Variants in AMBN observed in about 807,000 individuals in gnomAD.
The protein encoded by AMBN is enamel matrix protein.
In AMBN, 54 loss-of-function variants were observed where a neutral mutation model predicts 48.0. The observed-to-expected ratio is 1.12, with a 90% CI of 0.90 to 1.41. The LOEUF (loss-of-function observed/expected upper bound fraction) is 1.41, where lower values mean the gene tolerates loss of function less well. Ranked by LOEUF, AMBN falls within the 40% of genes most tolerant of loss-of-function variation. AMBN has a pLI of 0.00. For synonymous variants in AMBN, 186 were observed against 190.0 expected (o/e 0.98, Z 0.17); for missense variants, 571 against 547.3 (o/e 1.04, Z -0.43).
At chr4:70,603,117 T>C in intron 9 of AMBN, 107 bp downstream of exon 9, 5 of 1,394,450 alleles carry the variant, frequency 3.6e-6, no homozygotes, top group Non-Finnish European at 3.9e-6. Flanking sequence ...ATATGAAGTA[T>C]AATGGGTTCC....
rs747137893 is a variant in AMBN at position 70,603,324 on chromosome 4, G to GT, written c.708+13dup. 3.9e-5 allele frequency: 63 copies of GT among 1,612,634 alleles called. No homozygotes were observed. Among genetic ancestry groups the GT allele is most frequent in the African/African-American group, 6.7e-5 (5 of 74,770 alleles). ...CCACAAAATAAACAATCTCCAGTAA[G>GT]TTTTTTTTAATACCACATCTCTGTT... On this transcript the variant is annotated splice_donor_region_variant and intron_variant, in intron 10 of 12. Transcript: ENST00000322937.
At chr4:70,604,954 C>T (rs1265704963) in intron 12 of AMBN, among the ~76,000 whole-genome samples, 2 of 151,128 alleles carry the variant, frequency 1.3e-5, no homozygotes, top group Non-Finnish European at 2.9e-5. Context: ...GATCACGCCA[C>T]TGCACTCCAG....
Position 70,598,433 on chromosome 4 carries a change from T to C in AMBN, c.183+30T>C, listed in dbSNP as rs1233123374. ...TCATATTTCTTATTGCAAGTATTCA[T>C]GGTGGTGGTAGTGTTAATATTAGCA... On this transcript the variant is annotated intron_variant, in intron 4 of 12. Transcript: ENST00000322937. 4 of 1,550,714 alleles carry C rather than the reference T, an allele frequency of 2.6e-6. No homozygotes were observed. In the South Asian group the frequency reaches 3.6e-5, roughly 14 times the overall value.
Position 70,599,573 on chromosome 4 carries a change from T to A in AMBN, c.221T>A (p.Leu74Ter), listed in dbSNP as rs1737472096. The A allele has an allele frequency of 6.2e-7, 1 of 1,613,482 alleles. No individual in the cohort carries two copies. The highest frequency in any genetic ancestry group is 1.3e-5 in the African/African-American group (1 of 74,910). The change falls in exon 5 of 13, where the codon TTG becomes TAG. Residue 74 changes from leucine to a stop codon, truncating the protein, a stop_gained. Coordinates refer to ENST00000322937, the MANE Select transcript of AMBN (RefSeq NM_016519.6). LOFTEE classifies it high-confidence loss of function. ...GGCTTTGGAAAATCATTTAATTCTT[T>A]GTGGATGCACGGTCTCCTCCCACCA... Reference protein sequence around the residue: ...RYGFGKSFNSLWMHGLLPPHS... With the variant: ...RYGFGKSFNS
intron 10 of AMBN, 27 bp from the exon 11 acceptor site, chr4:70,603,389 T>C (rs1737570683): frequency 6.2e-7 from 1 of 1,613,530 alleles, no homozygotes; most frequent in Non-Finnish European, 8.5e-7. Context: ...AAAATGCATT[T>C]TGTGATAATG....
At chr4:70,593,547 A>C (rs970576434) in intron 2 of AMBN, 152 bp downstream of exon 2, 14 of 669,156 alleles carry the variant, frequency 2.1e-5, no homozygotes, top group Non-Finnish European at 3.2e-5. Flanking sequence ...ATAGTTGCTC[A>C]GATGTCAGTC....
rs766904083 is a variant in AMBN, at chr4:70,603,432, T to C, written c.725T>C (p.Leu242Ser). The change falls in exon 11 of 13, where the codon TTG (leucine) becomes TCG (serine). Residue 242 changes from leucine to serine, a missense_variant. By Grantham distance (145) the Leu-to-Ser change is moderately radical. Transcript: ENST00000322937. ...NKQSPLYPGMLYVPFGANQLN... is the reference protein window; with the variant it reads ...NKQSPLYPGMSYVPFGANQLN... ...TTTATTTAGCTTTATCCAGGAATGTTGTACGTGCCTTTTGGAGCAAATCAA... is the reference window on the plus strand; with the variant it reads ...TTTATTTAGCTTTATCCAGGAATGTCGTACGTGCCTTTTGGAGCAAATCAA... 1.2e-5 allele frequency: 19 copies of C among 1,613,030 alleles called. No individual in the cohort carries two copies. Among genetic ancestry groups the C allele is most frequent in the Admixed American group, 1.7e-5 (1 of 60,002 alleles).
In AMBN at chr4:70,606,266, C is replaced by T; in HGVS notation, c.880C>T (p.His294Tyr). Residue 294 changes from histidine (H) to tyrosine (Y), a missense_variant, in exon 13 of 13, where the codon CAC (histidine) becomes TAC (tyrosine). Physicochemically the swap from His to Tyr is moderately conservative, Grantham distance 83. Coordinates refer to ENST00000322937, the MANE Select transcript of AMBN (RefSeq NM_016519.6). The stretch of plus-strand genomic sequence containing the variant: ...GAGGCCCGGCTTTGAGGGAATGCCC[C>T]ACAACCCAGCTATGGGCGGTGACTT... ...GMRPGFEGMP[H>Y]NPAMGGDFTL... 6.2e-7 allele frequency: 1 copy of T among 1,614,112 alleles called. No individual in the cohort carries two copies. The highest frequency in any genetic ancestry group is 2.2e-5 in the East Asian group (1 of 44,848).
At chr4:70,594,205 T>C (rs1019380088) in intron 2 of AMBN, among the ~76,000 whole-genome samples, 2 of 152,236 alleles carry the variant, frequency 1.3e-5, no homozygotes, top group African/African-American at 4.8e-5. Flanking sequence ...GACTGAGAGC[T>C]GAAGTTTCAT....
In AMBN at chr4:70,602,658, C is replaced by T; in HGVS notation, c.566C>T (p.Pro189Leu). 1 of 1,573,098 alleles carries T rather than the reference C, an allele frequency of 6.4e-7. No homozygotes were observed. The highest frequency in any genetic ancestry group is 8.6e-7 in the Non-Finnish European group (1 of 1,156,292). Reference protein sequence around the residue: ...PGVDFADPQGPSLPGMDFPDP... With the variant: ...PGVDFADPQGLSLPGMDFPDP... ...GTAGATTTTGCTGATCCACAAGGTCCATCAGTAAGTACAGATCTCAATGAG... is the reference window on the plus strand; with the variant it reads ...GTAGATTTTGCTGATCCACAAGGTCTATCAGTAAGTACAGATCTCAATGAG... Residue 189 changes from proline (P) to leucine (L), a missense_variant, in exon 7 of 13, where the codon CCA becomes CTA. Transcript: ENST00000322937.
chr4:70,594,788 A>G (rs936588372), intron 2 of AMBN, among the ~76,000 whole-genome samples: 1 of 152,206 alleles, frequency 6.6e-6, no homozygotes, highest in Non-Finnish European at 1.5e-5. Context: ...CTTTGAACCT[A>G]TAATGATCCA....
At chr4:70,592,596 T>A (rs961297783) in intron 1 of AMBN, among the ~76,000 whole-genome samples, 1 of 152,056 alleles carries the variant, frequency 6.6e-6, no homozygotes, top group Non-Finnish European at 1.5e-5. Flanking sequence ...TTAATGTTTT[T>A]GATTATAGTG....
At position 70,597,653 on chromosome 4, in the gene AMBN, C is replaced by T. The variant is rs79108066; in HGVS notation, c.135+604C>T. Among the ~76,000 whole-genome samples, 868 of 152,086 alleles carry T rather than the reference C, an allele frequency of 5.7e-3. 4 individuals carry two copies. Among genetic ancestry groups the T allele is most frequent in the Non-Finnish European group, 8.8e-3 (599 of 67,956 alleles). On this transcript the variant is annotated intron_variant, in intron 3 of 12. Transcript: ENST00000322937. ...TATTTATAAGATTATAAATTTTTCA[C>T]AAGGTCTTGTGAAATTTCCATGTGT...
In AMBN at chr4:70,592,305, T is replaced by C. The variant is rs1737290821; in HGVS notation, c.-54T>C. On this transcript the variant is annotated 5_prime_UTR_variant, in exon 1 of 13. Transcript: ENST00000322937. ...CACAGTCCTGAAAAAAATTTTAATC[T>C]TCTTTTCTTAGAACTATCTTGGTTG... 6.2e-7 allele frequency: 1 copy of C among 1,608,322 alleles called. No individual in the cohort carries two copies. The highest frequency in any genetic ancestry group is 8.5e-7 in the Non-Finnish European group (1 of 1,175,470).
Position 70,592,323 on chromosome 4 carries a change from C to CTTGG in AMBN, c.-31_-28dup. The CTTGG allele has an allele frequency of 6.2e-7, 1 of 1,613,210 alleles. No homozygotes were observed. Among genetic ancestry groups the CTTGG allele is most frequent in the Non-Finnish European group, 8.5e-7 (1 of 1,179,294 alleles). On this transcript the variant is annotated 5_prime_UTR_variant, in exon 1 of 13. Transcript: ENST00000322937. ...TTTAATCTTCTTTTCTTAGAACTAT[C>CTTGG]TTGGTTGGCATCATCAGGCCCTGAG...
chr4:70,592,750 CATAT>C (rs1304251581), intron 1 of AMBN, among the ~76,000 whole-genome samples: 14 of 152,038 alleles, frequency 9.2e-5, no homozygotes, highest in African/African-American at 3.4e-4. Flanking sequence ...AAATTTGAGA[CATAT>C]TTTCCACTAA....
chr4:70,603,350 TG>T (rs776975434), intron 10 of AMBN, 31 bp downstream of exon 10: 18 of 1,613,146 alleles, frequency 1.1e-5, no homozygotes, highest in Non-Finnish European at 1.5e-5. Flanking sequence ...CATCTCTGTT[TG>T]CAATTTACTT....
chr4:70,599,683 C>A (rs765655841), intron 5 of AMBN, 37 bp downstream of exon 5: 3 of 1,446,088 alleles, frequency 2.1e-6, no homozygotes, highest in East Asian at 4.6e-5. Context: ...AAACCTCAGG[C>A]TTTAAAACCT....
chr4:70,593,731 G>C (rs1034272534), intron 2 of AMBN, among the ~76,000 whole-genome samples: 2 of 152,110 alleles, frequency 1.3e-5, no homozygotes, highest in Admixed American at 6.6e-5. Context: ...CAGGCGTGGT[G>C]GTGGGCACCT....
Sources: gnomAD v4.1 joint callset for allele counts (sites outside exome capture counted in the v4.1 genomes callset) on GRCh38, gnomAD v4.1.1 for gene constraint, MANE v1.5 for transcripts, NCBI Gene and HGNC (gene_info 2026-07-23, HGNC 2026-07-21) for gene names.